The following ARF3 variants were observed in gnomAD, a reference collection of about 807,000 sequenced individuals.
The protein encoded by ARF3 is ADP-ribosylation factor 3.
Under a neutral mutation model 19.3 loss-of-function variants are expected in ARF3, and 5 were observed. The observed-to-expected ratio is 0.26, with a 90% CI of 0.14 to 0.54. The LOEUF (loss-of-function observed/expected upper bound fraction) is 0.54, where lower values mean the gene tolerates loss of function less well. Among genes scored for constraint, ARF3 ranks in the 20% least tolerant of loss-of-function variants. ARF3 has a pLI of 0.95. For missense variants in ARF3, 77 were observed against 234.2 expected (o/e 0.33, Z 4.38); for synonymous variants, 71 against 89.2 (o/e 0.80, Z 1.15).
chr12:48,956,732 G>A (rs1940575523), intron 1 of ARF3, among the ~76,000 whole-genome samples: 1 of 151,988 alleles, frequency 6.6e-6, no homozygotes, highest in African/African-American at 2.4e-5. Flanking sequence ...CCAACCTGCG[G>A]TTCCCTAGAC....
chr12:48,942,862 T>C (rs1283899953), intron 1 of ARF3, among the ~76,000 whole-genome samples: 1 of 152,176 alleles, frequency 6.6e-6, no homozygotes, highest in Non-Finnish European at 1.5e-5. Context: ...ATCCCAGCAC[T>C]TTGGGAGGCC....
intron 1 of ARF3, among the ~76,000 whole-genome samples, chr12:48,943,000 G>A (rs1241127222): frequency 3.3e-5 from 5 of 152,152 alleles, no homozygotes; most frequent in Admixed American, 6.5e-5. Context: ...CCAGCTACTC[G>A]GAACGTTGAG....
In ARF3 at chr12:48,939,975, C is replaced by T. The variant is rs758692081; in HGVS notation, c.259+22G>A. 2 of 1,610,610 alleles carry T rather than the reference C, an allele frequency of 1.2e-6. No homozygotes were observed. Among genetic ancestry groups the T allele is most frequent in the African/African-American group, 1.3e-5 (1 of 74,974 alleles). On this transcript the variant is annotated intron_variant, in intron 3 of 4. Coordinates refer to ENST00000256682, the MANE Select transcript of ARF3 (RefSeq NM_001659.3). This position sits in a 1 kb window ranked among gnomAD's most constrained non-coding sequence, Gnocchi z 4.8. Reference sequence around the variant, plus strand: ...ACACTCTCTGCTCATACCCAACCAACCCACGCTAGGCCTGAGCATACCTTG... The same window carrying T: ...ACACTCTCTGCTCATACCCAACCAATCCACGCTAGGCCTGAGCATACCTTG...
At chr12:48,943,505 G>A (rs954507712) in intron 1 of ARF3, among the ~76,000 whole-genome samples, 9 of 152,114 alleles carry the variant, frequency 5.9e-5, no homozygotes, top group African/African-American at 1.9e-4. Flanking sequence ...GACAAAGTGC[G>A]CCCAAACCCA....
chr12:48,949,093 T>C (rs1357501139), intron 1 of ARF3, among the ~76,000 whole-genome samples: 1 of 152,006 alleles, frequency 6.6e-6, no homozygotes, highest in Admixed American at 6.5e-5. Flanking sequence ...ATTTAATGAG[T>C]GCTTAAATGT....
chr12:48,946,078 C>T (rs1230185699), intron 1 of ARF3, among the ~76,000 whole-genome samples: 3 of 152,224 alleles, frequency 2.0e-5, no homozygotes, highest in Non-Finnish European at 4.4e-5. Flanking sequence ...GCTGGGATTA[C>T]AGGCACGACC....
In ARF3 at chr12:48,938,908, CA is replaced by C. The variant is rs761954217; in HGVS notation, c.*38del. 3.8e-6 allele frequency: 6 copies of C among 1,599,338 alleles called. No homozygotes were observed. In the Admixed American group the frequency reaches 5.1e-5, roughly 13 times the overall value. On this transcript the variant is annotated 3_prime_UTR_variant, in exon 5 of 5. Coordinates refer to ENST00000256682, the MANE Select transcript of ARF3 (RefSeq NM_001659.3). Reference sequence around the variant, plus strand: ...TGGGGCAGGGTGACAGTAGGTATGTCAGGGGTGGGTGGGGTGCTTTGTTAGG... The same window carrying C: ...TGGGGCAGGGTGACAGTAGGTATGTCGGGGTGGGTGGGGTGCTTTGTTAGG...
rs1227991610 is a variant in ARF3 at position 48,939,146 on chromosome 12, G to C, written c.385-38C>G. 6.3e-7 allele frequency: 1 copy of C among 1,594,746 alleles called. No homozygotes were observed. Among genetic ancestry groups the C allele is most frequent in the Non-Finnish European group, 8.6e-7 (1 of 1,168,096 alleles). On this transcript the variant is annotated intron_variant, in intron 4 of 4. Transcript: ENST00000256682. This position sits in a 1 kb window ranked among gnomAD's most constrained non-coding sequence, Gnocchi z 4.8. ...GGAGACACATAAAAAGAAGCCTCAG[G>C]ATTTTTTAAAGGCTTCTAGAACACC...
At chr12:48,941,883 C>T (rs1337923192) in intron 1 of ARF3, among the ~76,000 whole-genome samples, 1 of 152,216 alleles carries the variant, frequency 6.6e-6, no homozygotes, top group East Asian at 1.9e-4. Flanking sequence ...GGGGCTACCC[C>T]TTTACTCCTC....
intron 1 of ARF3, among the ~76,000 whole-genome samples, chr12:48,946,729 C>A (rs1026362822): frequency 1.3e-5 from 2 of 152,224 alleles, no homozygotes; most frequent in South Asian, 2.1e-4. Context: ...CTCATCCCCC[C>A]AGGAGAAGCA....
At chr12:48,943,535 G>A (rs1338468921) in intron 1 of ARF3, among the ~76,000 whole-genome samples, 2 of 152,164 alleles carry the variant, frequency 1.3e-5, no homozygotes. Flanking sequence ...AAGGTGGACG[G>A]GGAGGAATCC....
chr12:48,945,562 C>T (rs180999697), intron 1 of ARF3, among the ~76,000 whole-genome samples: 24 of 144,830 alleles, frequency 1.7e-4, no homozygotes, highest in Admixed American at 8.9e-4. Flanking sequence ...GACTCTGTCT[C>T]AAAAAAAAAA....
intron 1 of ARF3, among the ~76,000 whole-genome samples, chr12:48,944,967 T>C (rs935425887): frequency 6.0e-5 from 9 of 148,996 alleles, no homozygotes; most frequent in East Asian, 2.0e-4. Flanking sequence ...CTGGCCAACA[T>C]GGTGAAGCCC....
At chr12:48,944,596 G>A (rs975556778) in intron 1 of ARF3, among the ~76,000 whole-genome samples, 3 of 152,182 alleles carry the variant, frequency 2.0e-5, no homozygotes, top group Non-Finnish European at 4.4e-5. Context: ...GTAGATTGTG[G>A]GAGTTCAATT....
rs1940175828 is a variant in ARF3, at chr12:48,937,910, C to T, written c.*1037G>A. 2 of 160,742 alleles carry T rather than the reference C, an allele frequency of 1.2e-5. No homozygotes were observed. The allele number at this position is 160,742 out of a possible 1,614,324, so 10.0% of individuals were successfully genotyped here. A position where few individuals can be genotyped will look rare whatever the true frequency, so the allele number is the denominator to read the frequency against. Reference sequence around the variant, plus strand: ...AGGAATGGGATTGGCCCATGCCTCACCTTCTCCTAATAACAAAAGAGAATG... The same window carrying T: ...AGGAATGGGATTGGCCCATGCCTCATCTTCTCCTAATAACAAAAGAGAATG... On this transcript the variant is annotated 3_prime_UTR_variant, in exon 5 of 5. Coordinates refer to ENST00000256682, the MANE Select transcript of ARF3 (RefSeq NM_001659.3).
chr12:48,943,763 A>C (rs1244330955), intron 1 of ARF3, among the ~76,000 whole-genome samples: 1 of 152,206 alleles, frequency 6.6e-6, no homozygotes, highest in Non-Finnish European at 1.5e-5. Flanking sequence ...GCCTCCCCAG[A>C]CAGCCACTAA....
chr12:48,942,286 G>A (rs1408598486), intron 1 of ARF3, among the ~76,000 whole-genome samples: 1 of 144,268 alleles, frequency 6.9e-6, no homozygotes, highest in Non-Finnish European at 1.5e-5. Flanking sequence ...TTACCGTGTT[G>A]CCCAGGCTGG....
chr12:48,947,323 T>C (rs1940376149), intron 1 of ARF3, among the ~76,000 whole-genome samples: 1 of 104,140 alleles, frequency 9.6e-6, no homozygotes, highest in Non-Finnish European at 2.1e-5. Flanking sequence ...TTTTTTTTTT[T>C]TTTGAGACAA....
At position 48,939,749 on chromosome 12, in the gene ARF3, C is replaced by T. The variant is rs748329067; in HGVS notation, c.290G>A (p.Arg97Gln). 1.2e-6 allele frequency: 2 copies of T among 1,614,026 alleles called. No individual in the cohort carries two copies. The highest frequency in any genetic ancestry group is 2.7e-5 in the African/African-American group (2 of 74,900). ...GLIFVVDSNDRERVNEAREEL... is the reference protein window; with the variant it reads ...GLIFVVDSNDQERVNEAREEL... ...TTCCCGGGCCTCATTTACTCGCTCCCGATCATTGCTGTCGACCACAAATAT... is the reference window on the plus strand; with the variant it reads ...TTCCCGGGCCTCATTTACTCGCTCCTGATCATTGCTGTCGACCACAAATAT... The change falls in exon 4 of 5, where the codon CGG (arginine) becomes CAG (glutamine). Residue 97 changes from arginine to glutamine, a missense_variant. Arg to Gln is a conservative substitution (Grantham distance 43). Around this residue, in one of 3 missense-constraint regions of ARF3, gnomAD observed 53 missense variants for 121.2 expected, o/e 0.44. Coordinates refer to ENST00000256682, the MANE Select transcript of ARF3 (RefSeq NM_001659.3). The surrounding 1 kb of genome is among the most constrained non-coding windows in gnomAD (Gnocchi z 4.8).
Sources: allele counts gnomAD v4.1 joint callset (sites outside exome capture counted in the v4.1 genomes callset), GRCh38; gene constraint gnomAD v4.1.1; regional missense constraint gnomAD v4.1.1; non-coding constraint Gnocchi (gnomAD v3.1); transcripts MANE v1.5; gene names NCBI Gene and HGNC (gene_info 2026-07-23, HGNC 2026-07-21).